EPB41L4A: variants seen among roughly 807,000 people sequenced by gnomAD.
EPB41L4A encodes band 4.1-like protein 4A.
Under a neutral mutation model 108.6 loss-of-function variants are expected in EPB41L4A, and 100 were observed. The observed-to-expected ratio is 0.92, with a 90% confidence interval of 0.78 to 1.09. EPB41L4A has a LOEUF of 1.09. Ranked by LOEUF, EPB41L4A falls within the 50% of genes least tolerant of loss-of-function variation. The probability of loss-of-function intolerance (pLI) is 0.00; values close to 1 mark genes in which losing one functional copy is unlikely to be tolerated. For missense variants in EPB41L4A, 1,030 were observed against 842.7 expected (o/e 1.22, Z -2.75); for synonymous variants, 319 against 289.0 (o/e 1.10, Z -1.05).
intron 1 of EPB41L4A, among the ~76,000 whole-genome samples, chr5:112,384,003 T>C (rs546456082): frequency 6.6e-6 from 1 of 152,272 alleles, no homozygotes; most frequent in East Asian, 1.9e-4. Flanking sequence ...GTAAAAGAGC[T>C]CAATCACAAA....
intron 1 of EPB41L4A, among the ~76,000 whole-genome samples, chr5:112,391,778 C>T (rs1333595569): frequency 6.6e-6 from 1 of 152,046 alleles, no homozygotes; most frequent in Non-Finnish European, 1.5e-5. Flanking sequence ...ACATAATTGT[C>T]AGATTCACCA....
At chr5:112,289,344 G>C (rs1011114243) in intron 2 of EPB41L4A, among the ~76,000 whole-genome samples, 3 of 152,290 alleles carry the variant, frequency 2.0e-5, no homozygotes, top group Non-Finnish European at 4.4e-5. Context: ...TAAAAGGAGA[G>C]TGGGTTAAAG....
Position 112,164,851 on chromosome 5 carries a change from A to C in EPB41L4A, c.*139T>G. 1.0e-6 allele frequency: 1 copy of C among 961,402 alleles called. No individual in the cohort carries two copies. The highest frequency in any genetic ancestry group is 1.5e-6 in the Non-Finnish European group (1 of 686,396). 59.6% of individuals were successfully genotyped at this position (961,402 alleles called of 1,614,324 possible). A position where few individuals can be genotyped will look rare whatever the true frequency, so the allele number is the denominator to read the frequency against. On this transcript the variant is annotated 3_prime_UTR_variant, in exon 23 of 23. Transcript: ENST00000261486. ...CATCTCAAAAAAAAAAAAAAAAAGA[A>C]GCAAAAGATAATGTATTTTCTCATG...
chr5:112,279,411 C>T (rs773998873), intron 3 of EPB41L4A, among the ~76,000 whole-genome samples: 5 of 152,122 alleles, frequency 3.3e-5, no homozygotes, highest in Non-Finnish European at 7.3e-5. Context: ...GAATCCACTC[C>T]GTTTTGATTA....
chr5:112,205,326 T>C (rs1196507207), intron 14 of EPB41L4A, 95 bp downstream of exon 14: 4 of 1,044,624 alleles, frequency 3.8e-6, no homozygotes, highest in Non-Finnish European at 6.1e-6. Context: ...CTAGCTGTGA[T>C]CAGCCACCCA....
intron 18 of EPB41L4A, among the ~76,000 whole-genome samples, chr5:112,176,078 G>T (rs1393464639): frequency 6.6e-6 from 1 of 152,108 alleles, no homozygotes; most frequent in Admixed American, 6.5e-5. Context: ...CAAATACCTT[G>T]CAGTGTTTCT....
chr5:112,409,273 GA>G (rs1762278044), intron 1 of EPB41L4A, among the ~76,000 whole-genome samples: 2 of 152,236 alleles, frequency 1.3e-5, no homozygotes, highest in South Asian at 4.1e-4. Flanking sequence ...GAAATGTCCC[GA>G]ATACACAAAA....
intron 4 of EPB41L4A, among the ~76,000 whole-genome samples, chr5:112,274,318 T>G (rs2084751849): frequency 6.6e-6 from 1 of 152,110 alleles, no homozygotes; most frequent in South Asian, 2.1e-4. Flanking sequence ...AAATATAATC[T>G]TTTCATCAAT....
intron 9 of EPB41L4A, among the ~76,000 whole-genome samples, chr5:112,244,379 T>C (rs905634611): frequency 6.6e-6 from 1 of 152,116 alleles, no homozygotes; most frequent in Non-Finnish European, 1.5e-5. Context: ...CTGTCTGGGG[T>C]ATATACCTTG....
intron 17 of EPB41L4A, among the ~76,000 whole-genome samples, chr5:112,191,858 T>A (rs1761717196): frequency 6.6e-6 from 1 of 152,128 alleles, no homozygotes; most frequent in South Asian, 2.1e-4. Flanking sequence ...AGGCTACAGT[T>A]TCCTAGAGAC....
At chr5:112,170,163 C>G in intron 20 of EPB41L4A, 138 bp downstream of exon 20, 2 of 781,048 alleles carry the variant, frequency 2.6e-6, no homozygotes, top group South Asian at 1.6e-5. Flanking sequence ...TTTTCTTCCT[C>G]TTTCGCTACT....
At chr5:112,268,193 C>T (rs1751999004) in intron 4 of EPB41L4A, among the ~76,000 whole-genome samples, 2 of 152,136 alleles carry the variant, frequency 1.3e-5, no homozygotes, top group Admixed American at 6.5e-5. Context: ...ACCAGCCAGG[C>T]CAACACAGTG....
In EPB41L4A at chr5:112,241,929, G is replaced by C. The variant is rs112267937; in HGVS notation, c.796-1119C>G. ...GTCTATTAAGTATATAACAGCATTA[G>C]GTCTTAAAAAAACATATATACTATA... On this transcript the variant is annotated intron_variant, in intron 9 of 22. Coordinates refer to ENST00000261486, the MANE Select transcript of EPB41L4A (RefSeq NM_022140.5). Among the ~76,000 whole-genome samples, 5 of 152,154 alleles carry C rather than the reference G, an allele frequency of 3.3e-5. 1 individual carries two copies. The highest frequency in any genetic ancestry group is 1.2e-4 in the African/African-American group (5 of 41,504).
At chr5:112,376,346 G>A (rs1265814741) in intron 1 of EPB41L4A, among the ~76,000 whole-genome samples, 1 of 152,172 alleles carries the variant, frequency 6.6e-6, no homozygotes, top group African/African-American at 2.4e-5. Context: ...ATATCTAACA[G>A]GATGGCTAAA....
At chr5:112,295,093 G>C (rs1436450837) in intron 2 of EPB41L4A, among the ~76,000 whole-genome samples, 1 of 152,192 alleles carries the variant, frequency 6.6e-6, no homozygotes, top group Non-Finnish European at 1.5e-5. Flanking sequence ...ATGACCACAA[G>C]TCCTGTTTAC....
chr5:112,384,412 T>C (rs985558552), intron 1 of EPB41L4A, among the ~76,000 whole-genome samples: 5 of 152,068 alleles, frequency 3.3e-5, no homozygotes, highest in African/African-American at 1.2e-4. Context: ...AGGCAAAAAG[T>C]ATATAACATT....
At chr5:112,368,393 T>C (rs1759271735) in intron 1 of EPB41L4A, among the ~76,000 whole-genome samples, 1 of 152,108 alleles carries the variant, frequency 6.6e-6, no homozygotes, top group Non-Finnish European at 1.5e-5. Context: ...CTCTCCCCTA[T>C]TGCCACCTTG....
chr5:112,293,380 A>G (rs1753782838), intron 2 of EPB41L4A, among the ~76,000 whole-genome samples: 1 of 106,352 alleles, frequency 9.4e-6, no homozygotes, highest in Non-Finnish European at 1.9e-5. Flanking sequence ...AATTTAGTTT[A>G]ATTTAGTTTT....
At chr5:112,415,834 C>T (rs1762681966) in intron 1 of EPB41L4A, among the ~76,000 whole-genome samples, 1 of 152,118 alleles carries the variant, frequency 6.6e-6, no homozygotes, top group Admixed American at 6.5e-5. Flanking sequence ...GTTTTTAAAT[C>T]TCGGATAAGG....
Sources: gnomAD v4.1 joint callset for allele counts (sites outside exome capture counted in the v4.1 genomes callset) on GRCh38, gnomAD v4.1.1 for gene constraint, MANE v1.5 for transcripts, NCBI Gene and HGNC (gene_info 2026-07-23, HGNC 2026-07-21) for gene names.